The following TTN variants were observed in gnomAD, a reference collection of about 807,000 sequenced individuals.
TTN encodes the protein connectin.
Under a neutral mutation model 3,223.0 loss-of-function variants are expected in TTN, and 1,525 were observed. That is an observed-to-expected ratio of 0.47 (90% confidence interval 0.45 to 0.49). The LOEUF is 0.49. Ranked by LOEUF, TTN falls within the 20% of genes least tolerant of loss-of-function variation. TTN has a pLI of 0.00. For synonymous variants in TTN, 14,094 were observed against 15,161.0 expected, an observed-to-expected ratio of 0.93 and a Z score of 5.17; for missense variants, 40,786 against 43,424.0, an observed-to-expected ratio of 0.94 and a Z score of 5.40.
intron 43 of TTN, 84 bp downstream of exon 43, chr2:178,764,093 T>C (rs2089903584): frequency 6.3e-7 from 1 of 1,588,970 alleles, no homozygotes. Flanking sequence ...GAGATGTTTG[T>C]GATGGAGGAG....
At chr2:178,750,179 C>T in intron 47 of TTN, 2 of 1,613,188 alleles carry the variant, frequency 1.2e-6, no homozygotes, top group East Asian at 2.2e-5. Flanking sequence ...GCCCTCTTGA[C>T]TCATAGATGG....
intron 350 of TTN, 60 bp from the exon 351 acceptor site, chr2:178,540,430 G>T (rs1390196713): frequency 7.4e-7 from 1 of 1,358,326 alleles, no homozygotes; most frequent in East Asian, 2.4e-5. Flanking sequence ...AATTAGCTGT[G>T]CCACCTAACA....
Position 178,753,159 on chromosome 2 carries a change from T to C in TTN, c.11276A>G (p.Glu3759Gly). The change falls in exon 47 of 363, where the codon GAG (glutamate) becomes GGG (glycine). Residue 3759 changes from glutamate (E) to glycine (G), a missense_variant. By Grantham distance (98) the Glu-to-Gly change is moderately conservative. Transcript: ENST00000589042. ...CATCTCAATCTCTTGTTCAATCCTCTCATGCAAAATTGATTCAGGAGCTAA... is the reference window on the plus strand; with the variant it reads ...CATCTCAATCTCTTGTTCAATCCTCCCATGCAAAATTGATTCAGGAGCTAA... ...VEGAPESILH[E>G]RIEQEIEMEM... The C allele has an allele frequency of 6.2e-7, 1 of 1,609,308 alleles. No individual in the cohort carries two copies. The highest frequency in any genetic ancestry group is 8.5e-7 in the Non-Finnish European group (1 of 1,177,300).
chr2:178,588,974 A>G lies in TTN; in HGVS notation c.62751T>C (p.Thr20917=). 6.2e-7 allele frequency: 1 copy of G among 1,612,494 alleles called. No individual in the cohort carries two copies. The highest frequency in any genetic ancestry group is 1.3e-5 in the African/African-American group (1 of 75,022). Residue 20917 remains threonine (T), a synonymous_variant, in exon 304 of 363, where the codon ACT becomes ACC. Coordinates refer to ENST00000589042, the MANE Select transcript of TTN (RefSeq NM_001267550.2). ...KRMVWSTYSA[T]VLTPGTTVTR... ...TTACTGTAGTACCAGGTGTCAAGAC[A>G]GTAGCAGAATAGGTAGACCAAACCA...
In TTN at chr2:178,689,372, C is replaced by T; in HGVS notation, c.31929G>A (p.Val10643=). ...GAACTTTCTTCTTTGGTATTTCTGG[C>T]ACTTAAAGGATAGTATTGAATTTTA... ...TQREESPPPA[V]PEIPKKKVPE... Residue 10643 remains valine (V), a splice_region_variant and synonymous_variant, in exon 124 of 363, where the codon GTG becomes GTA. Coordinates refer to ENST00000589042, the MANE Select transcript of TTN (RefSeq NM_001267550.2). The T allele has an allele frequency of 6.2e-7, 1 of 1,613,646 alleles. No individual in the cohort carries two copies. The highest frequency in any genetic ancestry group is 8.5e-7 in the Non-Finnish European group (1 of 1,179,784).
chr2:178,793,173 C>G (rs541615767), intron 9 of TTN, among the ~76,000 whole-genome samples: 1 of 152,190 alleles, frequency 6.6e-6, no homozygotes, highest in Non-Finnish European at 1.5e-5. Flanking sequence ...CCTGTTTCTA[C>G]TCCTGGTGTA....
rs2065965580 is a variant in TTN, at chr2:178,666,589, TAC to T, written c.35875+233_35875+234del. ...ATTTTCTTTGGAGTCCTCATAAAAA[TAC>T]ACTGACTCAACTATCTTTCATGTGT... On this transcript the variant is annotated intron_variant, in intron 163 of 362. Transcript: ENST00000589042. Among the ~76,000 whole-genome samples the T allele has an allele frequency of 2.0e-5, 3 of 152,196 alleles. No individual in the cohort carries two copies. In the South Asian group the frequency reaches 6.2e-4, roughly 31 times the overall value.
rs757470877 is a variant in TTN, at chr2:178,725,872, C to A, written c.20450G>T (p.Ser6817Ile). The change falls in exon 70 of 363, where the codon AGT (serine) becomes ATT (isoleucine). Residue 6817 changes from serine (S) to isoleucine (I), a missense_variant. By Grantham distance (142) the Ser-to-Ile change is moderately radical (BLOSUM62 -2). Transcript: ENST00000589042. ...AGTGTCCACATTGAGAATGTGAATA[C>A]TTGTGTGGAAGTTTTTGGATGCAAT... is the stretch of plus-strand genomic sequence containing the variant. Reference protein sequence around the residue: ...YKIASKNFHTSIHILNVDTSD... With the variant: ...YKIASKNFHTIIHILNVDTSD... 7 of 1,613,120 alleles carry A rather than the reference C, an allele frequency of 4.3e-6. No homozygotes were observed.
chr2:178,610,628 C>T (rs2056103100), intron 270 of TTN, among the ~76,000 whole-genome samples: 1 of 151,836 alleles, frequency 6.6e-6, no homozygotes, highest in Non-Finnish European at 1.5e-5. Flanking sequence ...ACATTATTTG[C>T]AGGGCTGGGG....
At chr2:178,799,337 A>G in intron 6 of TTN, 150 bp downstream of exon 6, 2 of 1,221,480 alleles carry the variant, frequency 1.6e-6, no homozygotes, top group South Asian at 1.4e-5. Context: ...GCCCGTTTGT[A>G]TGCTCCCCTA....
chr2:178,614,297 G>A lies in TTN; in HGVS notation c.49100C>T (p.Ser16367Leu). 1.2e-6 allele frequency: 2 copies of A among 1,612,702 alleles called. No individual in the cohort carries two copies. The highest frequency in any genetic ancestry group is 3.3e-5 in the Admixed American group (2 of 59,904). Residue 16367 changes from serine to leucine, a missense_variant, in exon 262 of 363, where the codon TCA (serine) becomes TTA (leucine). By Grantham distance (145) the Ser-to-Leu change is moderately radical. Coordinates refer to ENST00000589042, the MANE Select transcript of TTN (RefSeq NM_001267550.2). Reference sequence around the variant, plus strand: ...TGGTGGGTTCCATGTTAGAAGACATGACTCATTGGTTACATCTGTGATGTC... The same window carrying A: ...TGGTGGGTTCCATGTTAGAAGACATAACTCATTGGTTACATCTGTGATGTC... ...AFDITDVTNESCLLTWNPPRD... is the reference protein window; with the variant it reads ...AFDITDVTNELCLLTWNPPRD...
rs1440588329 is a variant in TTN at position 178,560,808 on chromosome 2, C to T, written c.85324G>A (p.Ala28442Thr). ...LKNVAGTRSV[A>T]VNCKVLDKPG... ...TTATCAAGTACTTTGCAATTAACGG[C>T]CACAGACCGAGTGCCGGCAACATTC... The change falls in exon 326 of 363, where the codon GCC becomes ACC. Residue 28442 changes from alanine (A) to threonine (T), a missense_variant. By Grantham distance (58) the Ala-to-Thr change is moderately conservative. Transcript: ENST00000589042. 1 of 1,613,578 alleles carries T rather than the reference C, an allele frequency of 6.2e-7. No homozygotes were observed. Among genetic ancestry groups the T allele is most frequent in the Admixed American group, 1.7e-5 (1 of 59,974 alleles).
chr2:178,602,825 C>G (rs2053803615), intron 282 of TTN, among the ~76,000 whole-genome samples: 1 of 151,996 alleles, frequency 6.6e-6, no homozygotes, highest in Non-Finnish European at 1.5e-5. Flanking sequence ...AGAAAGACTA[C>G]TTCCTATCTT....
In TTN at chr2:178,790,723, G is replaced by T; in HGVS notation, c.1785C>A (p.His595Gln). The T allele has an allele frequency of 6.2e-7, 1 of 1,614,122 alleles. No individual in the cohort carries two copies. Reference sequence around the variant, plus strand: ...AAGTCATCACCTTTTCATAACTTAGGTGCATTTGATCTTGTTGTGTGGTAG... The same window carrying T: ...AAGTCATCACCTTTTCATAACTTAGTTGCATTTGATCTTGTTGTGTGGTAG... The part of the protein sequence containing the change: ...EETTTQQDQM[H>Q]LSYEKIMKET... The change falls in exon 11 of 363, where the codon CAC (histidine) becomes CAA (glutamine). Residue 595 changes from histidine (H) to glutamine (Q), a missense_variant. By Grantham distance (24) the His-to-Gln change is conservative (BLOSUM62 0). Coordinates refer to ENST00000589042, the MANE Select transcript of TTN (RefSeq NM_001267550.2).
At chr2:178,752,119 A>G (rs1481698573) in intron 47 of TTN, 2 of 1,282,962 alleles carry the variant, frequency 1.6e-6, no homozygotes, top group African/African-American at 3.0e-5. Context: ...CAAAATAGGA[A>G]ATGAAATAAA....
intron 99 of TTN, 61 bp downstream of exon 99, chr2:178,709,505 A>C: frequency 1.3e-6 from 2 of 1,514,060 alleles, no homozygotes; most frequent in South Asian, 2.6e-5. Flanking sequence ...AGAAATGCTC[A>C]TGGATATATA....
At chr2:178,800,720 A>T in intron 3 of TTN, 38 bp from the exon 4 acceptor site, 1 of 1,577,788 alleles carries the variant, frequency 6.3e-7, no homozygotes, top group Non-Finnish European at 8.6e-7. Flanking sequence ...AGTGAGAGCC[A>T]GGGTGCTCCC....
Position 178,771,309 on chromosome 2 carries a change from T to C in TTN, c.8018A>G (p.Lys2673Arg), listed in dbSNP as rs1060500389. 6.2e-7 allele frequency: 1 copy of C among 1,613,984 alleles called. No individual in the cohort carries two copies. Among genetic ancestry groups the C allele is most frequent in the East Asian group, 2.2e-5 (1 of 44,856 alleles). ...NNIRSESDGHKRRLIIAATKL... is the reference protein window; with the variant it reads ...NNIRSESDGHRRRLIIAATKL... ...GGTGGCAGCAATGATAAGTCTCCTTTTGTGGCCATCAGACTCACTTCTGAT... is the reference window on the plus strand; with the variant it reads ...GGTGGCAGCAATGATAAGTCTCCTTCTGTGGCCATCAGACTCACTTCTGAT... The change falls in exon 34 of 363, where the codon AAA becomes AGA. Residue 2673 changes from lysine to arginine, a missense_variant. Coordinates refer to ENST00000589042, the MANE Select transcript of TTN (RefSeq NM_001267550.2).
Position 178,709,699 on chromosome 2 carries a change from A to C in TTN, c.28620T>G (p.Cys9540Trp). The C allele has an allele frequency of 6.2e-7, 1 of 1,613,922 alleles. No individual in the cohort carries two copies. Among genetic ancestry groups the C allele is most frequent in the Non-Finnish European group, 8.5e-7 (1 of 1,179,840 alleles). ...ACGTGTTGTTCTTGAATGTTATTTC[A>C]CAGTTAGAAGTTGGTTGTATCTCTA... The part of the protein sequence containing the change: ...NNIEIQPTSN[C>W]EITFKNNTLV... Residue 9540 changes from cysteine (C) to tryptophan (W), a missense_variant, in exon 99 of 363, where the codon TGT becomes TGG. Coordinates refer to ENST00000589042, the MANE Select transcript of TTN (RefSeq NM_001267550.2).
Sources: allele counts gnomAD v4.1 joint callset (sites outside exome capture counted in the v4.1 genomes callset), GRCh38; gene constraint gnomAD v4.1.1; transcripts MANE v1.5; gene names NCBI Gene and HGNC (gene_info 2026-07-23, HGNC 2026-07-21).